Variants in GALNTL6 observed in about 807,000 individuals in gnomAD.
The protein encoded by GALNTL6 is polypeptide N-acetylgalactosaminyltransferase-like 6.
GALNTL6 carries 46 observed loss-of-function variants against 73.7 expected under a neutral mutation model. The observed-to-expected ratio is 0.62, with a 90% CI of 0.49 to 0.80. The LOEUF is 0.80. Ranked by LOEUF, GALNTL6 falls within the 30% of genes least tolerant of loss-of-function variation. GALNTL6 has a pLI of 0.00. For synonymous variants in GALNTL6, 259 were observed against 263.7 expected (o/e 0.98, Z 0.17); for missense variants, 604 against 755.0 (o/e 0.80, Z 2.34).
At chr4:172,272,610 T>C (rs1738694314) in intron 3 of GALNTL6, among the ~76,000 whole-genome samples, 1 of 152,172 alleles carries the variant, frequency 6.6e-6, no homozygotes, top group Admixed American at 6.6e-5. Context: ...TAGTCCAAAA[T>C]GGTTTGTGGT....
intron 5 of GALNTL6, among the ~76,000 whole-genome samples, chr4:172,782,575 C>T (rs748648639): frequency 1.3e-5 from 2 of 152,096 alleles, no homozygotes; most frequent in African/African-American, 2.4e-5. Flanking sequence ...GGGGCTTCAT[C>T]GTCTGTTGAA....
At chr4:172,002,016 A>G (rs577679610) in intron 2 of GALNTL6, among the ~76,000 whole-genome samples, 1 of 152,290 alleles carries the variant, frequency 6.6e-6, no homozygotes, top group East Asian at 1.9e-4. Context: ...TGAAGTCCCT[A>G]TATAAGGCTT....
At chr4:172,655,959 A>G (rs926236994) in intron 5 of GALNTL6, among the ~76,000 whole-genome samples, 2 of 152,184 alleles carry the variant, frequency 1.3e-5, no homozygotes, top group Admixed American at 1.3e-4. Flanking sequence ...TGTGGATTTG[A>G]TAAACATTAG....
rs190835672 is a variant in GALNTL6, at chr4:172,785,858, T to C, written c.554-23503T>C. Among the ~76,000 whole-genome samples, 349 of 152,296 alleles carry C rather than the reference T, an allele frequency of 2.3e-3. 1 individual carries two copies. The highest frequency in any genetic ancestry group is 4.4e-3 in the Non-Finnish European group (296 of 68,022). Reference sequence around the variant, plus strand: ...CTCTGGGGCTTATGTTTTCTGTATGTGAGTTTTTGTTGGTGTTTCTTATAA... The same window carrying C: ...CTCTGGGGCTTATGTTTTCTGTATGCGAGTTTTTGTTGGTGTTTCTTATAA... On this transcript the variant is annotated intron_variant, in intron 5 of 12. Coordinates refer to ENST00000506823, the MANE Select transcript of GALNTL6 (RefSeq NM_001034845.3).
intron 2 of GALNTL6, among the ~76,000 whole-genome samples, chr4:172,073,260 A>G (rs1257547255): frequency 6.6e-6 from 1 of 152,206 alleles, no homozygotes; most frequent in Non-Finnish European, 1.5e-5. Context: ...AAGCTCGTGC[A>G]AGCCCTTGAA....
At chr4:172,309,894 A>C (rs1446931701) in intron 3 of GALNTL6, among the ~76,000 whole-genome samples, 2 of 152,136 alleles carry the variant, frequency 1.3e-5, no homozygotes, top group African/African-American at 4.8e-5. Context: ...CAAAAATTGC[A>C]TAGGACTAAA....
At chr4:171,921,023 T>A (rs1737769835) in intron 2 of GALNTL6, among the ~76,000 whole-genome samples, 1 of 152,108 alleles carries the variant, frequency 6.6e-6, no homozygotes, top group African/African-American at 2.4e-5. Context: ...GTCTAAAATG[T>A]CATGACTGGC....
chr4:172,100,558 T>C (rs377660718), intron 2 of GALNTL6, among the ~76,000 whole-genome samples: 1 of 152,182 alleles, frequency 6.6e-6, no homozygotes, highest in East Asian at 1.9e-4. Flanking sequence ...TAAAGCTGTA[T>C]GAGAAATTCC....
At chr4:172,240,292 C>G (rs1371626698) in intron 3 of GALNTL6, among the ~76,000 whole-genome samples, 1 of 152,032 alleles carries the variant, frequency 6.6e-6, no homozygotes, top group African/African-American at 2.4e-5. Context: ...GGCACGATCT[C>G]GGCTCACTGC....
intron 5 of GALNTL6, among the ~76,000 whole-genome samples, chr4:172,498,202 A>T (rs1248321901): frequency 6.6e-6 from 1 of 151,806 alleles, no homozygotes; most frequent in Non-Finnish European, 1.5e-5. Context: ...TGTTGCCAGG[A>T]TGGTCTCTAT....
chr4:172,052,513 G>A, intron 2 of GALNTL6: 1 of 1,534,852 alleles, frequency 6.5e-7, no homozygotes, highest in Non-Finnish European at 8.7e-7. Context: ...ACCACGGAGT[G>A]CATGAGCTGG....
intron 3 of GALNTL6, among the ~76,000 whole-genome samples, chr4:172,232,321 TA>T (rs1737099233): frequency 6.6e-6 from 1 of 152,172 alleles, no homozygotes; most frequent in Non-Finnish European, 1.5e-5. Context: ...GAACTTTATC[TA>T]AAAATTTAAT....
At chr4:172,788,638 C>A (rs1318502207) in intron 5 of GALNTL6, among the ~76,000 whole-genome samples, 1 of 144,004 alleles carries the variant, frequency 6.9e-6, no homozygotes, top group Non-Finnish European at 1.5e-5. Context: ...CACCACTGCA[C>A]TCCAGCCTGA....
chr4:171,994,077 TAGA>T (rs1295576300), intron 2 of GALNTL6, among the ~76,000 whole-genome samples: 1 of 152,030 alleles, frequency 6.6e-6, no homozygotes, highest in African/African-American at 2.4e-5. Context: ...ATGGATTGAG[TAGA>T]AGATTACAAG....
intron 2 of GALNTL6, among the ~76,000 whole-genome samples, chr4:172,157,395 CTTT>C (rs955727282): frequency 3.3e-5 from 5 of 152,298 alleles, no homozygotes; most frequent in African/African-American, 1.2e-4. Flanking sequence ...TTTCTCCACA[CTTT>C]TTCTTTCCTG....
At chr4:172,721,985 G>C (rs543535892) in intron 5 of GALNTL6, among the ~76,000 whole-genome samples, 1 of 93,906 alleles carries the variant, frequency 1.1e-5, no homozygotes, top group Non-Finnish European at 2.3e-5. Flanking sequence ...GTGGCGGAAG[G>C]CTTTTTTTTT....
intron 2 of GALNTL6, among the ~76,000 whole-genome samples, chr4:171,859,703 C>T (rs1049088264): frequency 4.6e-5 from 7 of 152,170 alleles, no homozygotes; most frequent in African/African-American, 1.7e-4. Context: ...ACAGCACATG[C>T]TAAGTGTCAT....
chr4:172,648,615 G>A (rs1018536169), intron 5 of GALNTL6, among the ~76,000 whole-genome samples: 6 of 152,102 alleles, frequency 3.9e-5, no homozygotes, highest in African/African-American at 1.2e-4. Flanking sequence ...CATACCCAAA[G>A]ACTGAGTCTA....
chr4:172,138,496 TATATATATA>T (rs1733704343), intron 2 of GALNTL6, among the ~76,000 whole-genome samples: 1 of 8,588 alleles, frequency 1.2e-4, no homozygotes, highest in Non-Finnish European at 3.9e-4. Flanking sequence ...TATATATATA[TATATATATA>T]TATATATATT....
Sources: gnomAD v4.1 joint callset for allele counts (sites outside exome capture counted in the v4.1 genomes callset) on GRCh38, gnomAD v4.1.1 for gene constraint, MANE v1.5 for transcripts, NCBI Gene and HGNC (gene_info 2026-07-23, HGNC 2026-07-21) for gene names.